The following MYH15 variants were observed in gnomAD, a reference collection of about 807,000 sequenced individuals.
MYH15 encodes myosin-15.
A neutral mutation model predicts 240.5 loss-of-function variants in MYH15; 227 were observed. The ratio of observed to expected loss-of-function variants is 0.94; its 90% CI spans 0.85 to 1.05. The LOEUF (loss-of-function observed/expected upper bound fraction) is 1.05, where lower values mean the gene tolerates loss of function less well. Among genes scored for constraint, MYH15 ranks in the 50% least tolerant of loss-of-function variants. The pLI, the probability that MYH15 is intolerant of heterozygous loss-of-function variation, is 0.00. For synonymous variants in MYH15, 785 were observed against 796.7 expected, an observed-to-expected ratio of 0.99 and a Z score of 0.25; for missense variants, 2,217 against 2,247.5, an observed-to-expected ratio of 0.99 and a Z score of 0.27.
intron 25 of MYH15, 82 bp from the exon 26 acceptor site, chr3:108,431,004 C>G (rs553345180): frequency 1.1e-6 from 1 of 945,670 alleles, no homozygotes; most frequent in Non-Finnish European, 1.6e-6. Flanking sequence ...ATATTCCTAA[C>G]ACAAAGAAAA....
intron 11 of MYH15, among the ~76,000 whole-genome samples, chr3:108,482,765 T>G (rs765006767): frequency 2.6e-4 from 39 of 152,218 alleles, no homozygotes; most frequent in Admixed American, 8.5e-4. Flanking sequence ...ACTTCCTTTT[T>G]GTATGGAACT....
At chr3:108,405,552 T>C in intron 32 of MYH15, 99 bp from the exon 33 acceptor site, 1 of 625,756 alleles carries the variant, frequency 1.6e-6, no homozygotes, top group Non-Finnish European at 2.5e-6. Context: ...TCTCTTAGAG[T>C]TACTGGGAGA....
rs2082487378 is a variant in MYH15, at chr3:108,399,326, C to T, written c.4737-59G>A. ...GACACATCCAAATTAATCAAATTCA[C>T]CTGCTATGTTTAAAACAGTACAAGA... On this transcript the variant is annotated intron_variant, in intron 33 of 40. Coordinates refer to ENST00000693548, the MANE Select transcript of MYH15 (RefSeq NM_014981.3). 6 of 1,370,428 alleles carry T rather than the reference C, an allele frequency of 4.4e-6. No homozygotes were observed. The Admixed American group carries it at 5.7e-5, about 13-fold the overall frequency. 84.9% of individuals were successfully genotyped at this position (1,370,428 alleles called of 1,614,324 possible).
chr3:108,470,692 A>G lies in MYH15; in HGVS notation c.1383+6T>C, dbSNP rs1378489117. 2 of 1,613,194 alleles carry G rather than the reference A, an allele frequency of 1.2e-6. No homozygotes were observed. On this transcript the variant is annotated splice_donor_region_variant and intron_variant, in intron 13 of 40. Coordinates refer to ENST00000693548, the MANE Select transcript of MYH15 (RefSeq NM_014981.3). ...CATTGACTTCCTTCTTACCAGATAC[A>G]CTTACCTCAAGGATTTCAAAACCAG...
chr3:108,528,984 A>C lies in MYH15; in HGVS notation c.-58+279T>G, dbSNP rs2083693866. 2.0e-5 allele frequency among the ~76,000 whole-genome samples: 3 copies of C among 152,342 alleles called. No individual in the cohort carries two copies. In the South Asian group the frequency reaches 6.2e-4, roughly 32 times the overall value. On this transcript the variant is annotated intron_variant, in intron 1 of 41. Transcript: ENST00000273353. ...ACCATGACCCTTGGTGTCTGAGAAA[A>C]GGGAAGTGAGAAGTTGTGTGTTGGG...
intron 1 of MYH15, among the ~76,000 whole-genome samples, chr3:108,526,091 G>A (rs552839064): frequency 2.2e-4 from 34 of 152,052 alleles, no homozygotes; most frequent in Non-Finnish European, 4.1e-4. Context: ...CATTCAGAAG[G>A]ACGACTTCTT....
chr3:108,502,836 C>G (rs923803085), intron 2 of MYH15, among the ~76,000 whole-genome samples: 8 of 152,232 alleles, frequency 5.3e-5, no homozygotes, highest in Non-Finnish European at 1.2e-4. Context: ...ACAGTAATCC[C>G]TCTTCTTTTG....
rs757653082 is a variant in MYH15, at chr3:108,389,071, G to C, written c.5434C>G (p.Arg1812Gly). 9.3e-6 allele frequency: 15 copies of C among 1,613,652 alleles called. No individual in the cohort carries two copies. The highest frequency in any genetic ancestry group is 1.6e-4 in the Middle Eastern group (1 of 6,082). ...CCCTCCAGTTCACCTTCCAGTTCAC[G>C]AACCTGCAACCAAAACGTGACCTCA... Reference protein sequence around the residue: ...KQIQKLESRVRELEGELEGEI... With the variant: ...KQIQKLESRVGELEGELEGEI... The change falls in exon 38 of 41, where the codon CGT becomes GGT. Residue 1812 changes from arginine to glycine, a missense_variant. Physicochemically the swap from Arg to Gly is moderately radical, Grantham distance 125 (BLOSUM62 -2). Transcript: ENST00000693548.
At chr3:108,547,825 CAACAATACTAAAAGT>C in the MYH15 span, among the ~76,000 whole-genome samples, 1 of 152,104 alleles carries the variant, frequency 6.6e-6, no homozygotes. Flanking sequence ...TAAGAATTAT[CAACAATACTAAAAGT>C]AGCAGATGCA....
chr3:108,503,336 T>C (rs2083452274), intron 2 of MYH15, among the ~76,000 whole-genome samples: 1 of 152,132 alleles, frequency 6.6e-6, no homozygotes, highest in Admixed American at 6.5e-5. Flanking sequence ...CCTAATAAAA[T>C]TTAGTTGGTC....
At position 108,384,821 on chromosome 3, in the gene MYH15, G is replaced by T. The variant is rs769262452; in HGVS notation, c.5536-39C>A. 3.2e-6 allele frequency: 5 copies of T among 1,566,008 alleles called. No homozygotes were observed. In the Admixed American group the frequency reaches 8.4e-5, roughly 26 times the overall value. Reference sequence around the variant, plus strand: ...GCATGTATGGGAAGGTGATTCAGAGGATCCAGCAGTCTACGTTGGTGTAGT... The same window carrying T: ...GCATGTATGGGAAGGTGATTCAGAGTATCCAGCAGTCTACGTTGGTGTAGT... On this transcript the variant is annotated intron_variant, in intron 38 of 40. Transcript: ENST00000693548.
chr3:108,530,466 A>AT (rs1018198220), upstream of MYH15, among the ~76,000 whole-genome samples: 4 of 152,156 alleles, frequency 2.6e-5, no homozygotes, highest in Non-Finnish European at 4.4e-5. Flanking sequence ...AGCATAGGGG[A>AT]TTTTTTAGGG....
intron 21 of MYH15, among the ~76,000 whole-genome samples, chr3:108,448,323 A>G (rs2082945460): frequency 6.6e-6 from 1 of 152,086 alleles, no homozygotes; most frequent in South Asian, 2.1e-4. Flanking sequence ...GCTGAATAGA[A>G]AAACCAAACC....
intron 5 of MYH15, 60 bp downstream of exon 5, chr3:108,499,395 G>C: frequency 1.3e-6 from 2 of 1,488,860 alleles, no homozygotes; most frequent in Non-Finnish European, 9.4e-7. Flanking sequence ...GTGAAATGGA[G>C]GTATCTATTT....
chr3:108,520,770 A>C (rs80256767), intron 1 of MYH15, among the ~76,000 whole-genome samples: 2,372 of 152,286 alleles, frequency 0.016, 20 homozygotes, highest in Non-Finnish European at 0.025. Flanking sequence ...AATTAAGTTA[A>C]GGGTCTCAAC....
At chr3:108,451,483 T>G (rs1312757584) in intron 21 of MYH15, among the ~76,000 whole-genome samples, 3 of 151,990 alleles carry the variant, frequency 2.0e-5, no homozygotes, top group Admixed American at 2.0e-4. Context: ...CTGCACTAAT[T>G]CAAGAAGAAA....
At chr3:108,427,539 C>A (rs13080507) in intron 27 of MYH15, among the ~76,000 whole-genome samples, 12,534 of 151,442 alleles carry the variant, frequency 0.083, 581 homozygotes, top group Middle Eastern at 0.11. Context: ...AAATAAATTT[C>A]TATTATTTGT....
chr3:108,510,086 T>G (rs1187124590), intron 1 of MYH15, among the ~76,000 whole-genome samples: 1 of 152,124 alleles, frequency 6.6e-6, no homozygotes, highest in Non-Finnish European at 1.5e-5. Flanking sequence ...CAGGCCCCTC[T>G]CTCTACTGTG....
At chr3:108,527,198 C>T (rs1348457201) in intron 1 of MYH15, among the ~76,000 whole-genome samples, 1 of 152,134 alleles carries the variant, frequency 6.6e-6, no homozygotes, top group Non-Finnish European at 1.5e-5. Context: ...ACTTTGAGAA[C>T]TACTGTGCTA....
Sources: allele counts gnomAD v4.1 joint callset (sites outside exome capture counted in the v4.1 genomes callset), GRCh38; gene constraint gnomAD v4.1.1; transcripts MANE v1.5; gene names NCBI Gene and HGNC (gene_info 2026-07-23, HGNC 2026-07-21).